AOPEP: variants seen among roughly 807,000 people sequenced by gnomAD.
AOPEP encodes the protein aminopeptidase O.
A neutral mutation model predicts 98.1 loss-of-function variants in AOPEP; 77 were observed. The ratio of observed to expected loss-of-function variants is 0.78; its 90% confidence interval spans 0.65 to 0.95. AOPEP has a LOEUF of 0.95. Among genes scored for constraint, AOPEP ranks in the 40% least tolerant of loss-of-function variants. AOPEP has a pLI of 0.00. For synonymous variants in AOPEP, 346 were observed against 365.3 expected (o/e 0.95, Z 0.60); for missense variants, 1,024 against 1,024.7 (o/e 1.00, Z 0.01).
chr9:94,872,647 C>CT (rs1269602970), intron 5 of AOPEP, among the ~76,000 whole-genome samples: 2 of 152,204 alleles, frequency 1.3e-5, no homozygotes, highest in East Asian at 3.9e-4. Context: ...GAGGCAATAA[C>CT]TTACTCGGTG....
At chr9:94,817,175 G>T (rs1031430937) in intron 5 of AOPEP, among the ~76,000 whole-genome samples, 2 of 151,912 alleles carry the variant, frequency 1.3e-5, no homozygotes, top group African/African-American at 2.4e-5. Context: ...CTAATTTTCT[G>T]TGTGTTTTTT....
intron 1 of AOPEP, among the ~76,000 whole-genome samples, chr9:94,738,919 T>C (rs74587545): frequency 0.056 from 8,528 of 152,306 alleles, 364 homozygotes; most frequent in South Asian, 0.11. Context: ...GAACTGTAAC[T>C]AAATCCCCAT....
intron 9 of AOPEP, among the ~76,000 whole-genome samples, chr9:94,957,198 C>T (rs762949238): frequency 4.6e-5 from 7 of 152,072 alleles, no homozygotes; most frequent in Non-Finnish European, 8.8e-5. Flanking sequence ...TCGTTTGCTT[C>T]TCTCTTTTTT....
At chr9:95,012,949 A>G (rs1479942048) in intron 13 of AOPEP, among the ~76,000 whole-genome samples, 1 of 97,284 alleles carries the variant, frequency 1.0e-5, no homozygotes, top group Non-Finnish European at 2.1e-5. Context: ...AGAGGTTTTC[A>G]TCAAAGTATA....
At chr9:95,022,784 T>C (rs746576269) in intron 13 of AOPEP, among the ~76,000 whole-genome samples, 4 of 152,126 alleles carry the variant, frequency 2.6e-5, no homozygotes, top group Non-Finnish European at 5.9e-5. Flanking sequence ...TTTGATGTAG[T>C]TTTCTTAGCA....
At chr9:94,786,644 A>G (rs576945610) in intron 3 of AOPEP, among the ~76,000 whole-genome samples, 2 of 152,338 alleles carry the variant, frequency 1.3e-5, no homozygotes, top group East Asian at 3.9e-4. Context: ...GAGACAACTC[A>G]AAAGAGACTT....
chr9:94,728,241 A>ACACACACACACT (rs1829709555), intron 1 of AOPEP, among the ~76,000 whole-genome samples: 2 of 134,406 alleles, frequency 1.5e-5, no homozygotes, highest in African/African-American at 5.8e-5. Flanking sequence ...GCGCGCATGC[A>ACACACACACACT]CACACACACA....
At chr9:95,116,030 G>A in the AOPEP span, among the ~76,000 whole-genome samples, 3 of 152,246 alleles carry the variant, frequency 2.0e-5, no homozygotes, top group East Asian at 1.9e-4. Flanking sequence ...ACTAGCACAA[G>A]AGGTTCTTGT....
intron 5 of AOPEP, among the ~76,000 whole-genome samples, chr9:94,830,916 A>G (rs1404033654): frequency 2.6e-5 from 4 of 151,738 alleles, no homozygotes; most frequent in African/African-American, 9.7e-5. Context: ...TTTTCTTGTA[A>G]ATTTGTTTAA....
At chr9:94,763,464 ATG>A (rs1838837288) in intron 2 of AOPEP, 1 of 181,798 alleles carries the variant, frequency 5.5e-6, no homozygotes, top group South Asian at 1.1e-4. Flanking sequence ...AATTACAGAT[ATG>A]TGTGTTTCCA....
chr9:95,051,613 T>C (rs865984533), intron 13 of AOPEP, among the ~76,000 whole-genome samples: 1 of 152,144 alleles, frequency 6.6e-6, no homozygotes, highest in Non-Finnish European at 1.5e-5. Flanking sequence ...CAGTTTGTTA[T>C]AATTAAAGAG....
chr9:94,886,378 C>T (rs969549246), intron 5 of AOPEP, among the ~76,000 whole-genome samples: 1 of 152,166 alleles, frequency 6.6e-6, no homozygotes, highest in Non-Finnish European at 1.5e-5. Context: ...ATTACGCCTA[C>T]AGAAAAGGTT....
intron 5 of AOPEP, among the ~76,000 whole-genome samples, chr9:94,832,830 A>T (rs1856285899): frequency 6.7e-6 from 1 of 149,996 alleles, no homozygotes; most frequent in South Asian, 2.1e-4. Context: ...TGATAAAAAA[A>T]TTTTAAGTGG....
chr9:94,806,712 C>A (rs1849337133), intron 5 of AOPEP, among the ~76,000 whole-genome samples: 1 of 152,036 alleles, frequency 6.6e-6, no homozygotes, highest in African/African-American at 2.4e-5. Context: ...TTTTGTGTTC[C>A]TGAAATAGTA....
the AOPEP span, chr9:95,126,958 C>T: frequency 3.6e-6 from 1 of 278,238 alleles, no homozygotes; most frequent in Non-Finnish European, 7.0e-6. Context: ...GTGACCTCCT[C>T]AAATGGCTAG....
At chr9:95,101,899 A>G in the AOPEP span, 3 of 1,610,736 alleles carry the variant, frequency 1.9e-6, no homozygotes, top group Non-Finnish European at 2.5e-6. Flanking sequence ...TTCCAGACAG[A>G]TTTGTCCTTT....
At chr9:94,761,523 T>C (rs148954563) in intron 2 of AOPEP, among the ~76,000 whole-genome samples, 73 of 152,336 alleles carry the variant, frequency 4.8e-4, no homozygotes, top group African/African-American at 1.7e-3. Context: ...TATAGCGTTG[T>C]ATTTCCTTAA....
intron 5 of AOPEP, among the ~76,000 whole-genome samples, chr9:94,915,152 A>G (rs1288069691): frequency 6.6e-6 from 1 of 152,188 alleles, no homozygotes; most frequent in Non-Finnish European, 1.5e-5. Flanking sequence ...GTTTACTTAC[A>G]TGTAAAATAG....
At chr9:94,947,610 C>T (rs180901646) in intron 7 of AOPEP, among the ~76,000 whole-genome samples, 2 of 152,326 alleles carry the variant, frequency 1.3e-5, no homozygotes, top group African/African-American at 4.8e-5. Context: ...AAGTCCCATG[C>T]ATTTTTCCTC....
Sources: allele counts gnomAD v4.1 joint callset (sites outside exome capture counted in the v4.1 genomes callset), GRCh38; gene constraint gnomAD v4.1.1; transcripts MANE v1.5; gene names NCBI Gene and HGNC (gene_info 2026-07-23, HGNC 2026-07-21).